RUFY2: variants seen among roughly 807,000 people sequenced by gnomAD.
RUFY2 encodes the protein RUN and FYVE domain-containing protein 2.
In RUFY2, 49 loss-of-function variants were observed where a neutral mutation model predicts 94.4. The observed-to-expected ratio is 0.52, with a 90% confidence interval of 0.41 to 0.66. The LOEUF (loss-of-function observed/expected upper bound fraction) is 0.66. Among genes scored for constraint, RUFY2 ranks in the 30% least tolerant of loss-of-function variants. RUFY2 has a pLI of 0.00. For synonymous variants in RUFY2, 255 were observed against 235.7 expected (o/e 1.08, Z -0.75); for missense variants, 541 against 692.8 (o/e 0.78, Z 2.46).
chr10:68,406,166 GAAC>G (rs201975911), intron 1 of RUFY2, among the ~76,000 whole-genome samples: 3,369 of 150,766 alleles, frequency 0.022, 70 homozygotes, highest in South Asian at 0.074. Context: ...TTCCTTCACT[GAAC>G]AACAACAACA....
downstream of RUFY2, chr10:68,342,109 T>C: frequency 8.3e-7 from 1 of 1,209,086 alleles, no homozygotes; most frequent in East Asian, 2.4e-5. Flanking sequence ...TACTAGACTT[T>C]CTTACAGATT....
chr10:68,405,421 T>C (rs1404656196), intron 1 of RUFY2: 2 of 948,086 alleles, frequency 2.1e-6, no homozygotes, highest in Non-Finnish European at 2.5e-6. Context: ...TCTGCCATTC[T>C]CCTGTATTTA....
intron 13 of RUFY2, among the ~76,000 whole-genome samples, chr10:68,372,957 T>C (rs1027928204): frequency 6.6e-6 from 1 of 151,804 alleles, no homozygotes; most frequent in African/African-American, 2.4e-5. Context: ...ACAAAAAAAC[T>C]TGGAGCTTCA....
Position 68,381,250 on chromosome 10 carries a change from C to A in RUFY2, c.1089G>T (p.Glu363Asp). 1 of 1,611,706 alleles carries A rather than the reference C, an allele frequency of 6.2e-7. No individual in the cohort carries two copies. The highest frequency in any genetic ancestry group is 8.5e-7 in the Non-Finnish European group (1 of 1,179,084). The change falls in exon 11 of 18, where the codon GAG (glutamate) becomes GAT (aspartate). Residue 363 changes from glutamate (E) to aspartate (D), a missense_variant. Coordinates refer to ENST00000602465, the MANE Select transcript of RUFY2 (RefSeq NM_001330103.2). Reference protein sequence around the residue: ...QLEEVKAINIEMYQKLQGSED... With the variant: ...QLEEVKAINIDMYQKLQGSED... ...TCCTTACCTGCAACTTTTGATACAT[C>A]TCTATGTTAATTGCTTTAACTTCCT...
downstream of RUFY2, chr10:68,341,980 CGTG>C: frequency 6.2e-7 from 1 of 1,613,482 alleles, no homozygotes; most frequent in Non-Finnish European, 8.5e-7. Flanking sequence ...TTCTTAAGGC[CGTG>C]GTGGTGGAGG....
At chr10:68,378,664 G>T (rs142776124) in intron 12 of RUFY2, 1 of 1,609,074 alleles carries the variant, frequency 6.2e-7, no homozygotes. Context: ...TTAACAAATC[G>T]TTGTCACTTC....
At chr10:68,381,599 C>T in intron 10 of RUFY2, among the ~76,000 whole-genome samples, 200 bp from the exon 11 acceptor site, 1 of 152,206 alleles carries the variant, frequency 6.6e-6, no homozygotes, top group Non-Finnish European at 1.5e-5. Flanking sequence ...AATCCCAGCA[C>T]TTTGGGAGGC....
chr10:68,359,294 G>A (rs1250979065), intron 15 of RUFY2, among the ~76,000 whole-genome samples: 1 of 146,526 alleles, frequency 6.8e-6, no homozygotes, highest in African/African-American at 2.5e-5. Flanking sequence ...AGGAGATTTT[G>A]TATATATACA....
chr10:68,393,098 G>T, intron 7 of RUFY2, 40 bp downstream of exon 7: 1 of 1,190,400 alleles, frequency 8.4e-7, no homozygotes, highest in Non-Finnish European at 1.2e-6. Flanking sequence ...AAAAACCTAA[G>T]ACAATATTCA....
chr10:68,383,784 T>A lies in RUFY2; in HGVS notation c.939+14A>T. The A allele has an allele frequency of 6.4e-7, 1 of 1,551,716 alleles. No individual in the cohort carries two copies. The highest frequency in any genetic ancestry group is 8.9e-7 in the Non-Finnish European group (1 of 1,124,032). Reference sequence around the variant, plus strand: ...CAGGATGATCTTGCTAATGTAATTTTTAATATAACCTACCTGTCGTAACTG... The same window carrying A: ...CAGGATGATCTTGCTAATGTAATTTATAATATAACCTACCTGTCGTAACTG... On this transcript the variant is annotated intron_variant, in intron 10 of 17. Transcript: ENST00000602465.
At chr10:68,386,167 C>G in intron 7 of RUFY2, 39 bp from the exon 8 acceptor site, 1 of 1,559,986 alleles carries the variant, frequency 6.4e-7, no homozygotes, top group Non-Finnish European at 8.8e-7. Context: ...CAAAATCACA[C>G]GAACTCAAAA....
intron 1 of RUFY2, 101 bp downstream of exon 1, chr10:68,407,085 C>A: frequency 6.7e-7 from 1 of 1,497,002 alleles, no homozygotes; most frequent in Admixed American, 2.3e-5. Flanking sequence ...TTCCGACTGG[C>A]GGCCTCGGCG....
intron 13 of RUFY2, among the ~76,000 whole-genome samples, chr10:68,364,961 T>C (rs971763240): frequency 2.0e-5 from 3 of 152,086 alleles, no homozygotes; most frequent in Non-Finnish European, 4.4e-5. Flanking sequence ...TGATTATTGC[T>C]CATAAGCAGG....
intron 13 of RUFY2, among the ~76,000 whole-genome samples, chr10:68,367,944 A>C (rs903036481): frequency 6.6e-6 from 1 of 151,138 alleles, no homozygotes; most frequent in Non-Finnish European, 1.5e-5. Context: ...CAGTTTTCAC[A>C]ATGTAGAAAT....
At chr10:68,341,555 C>T (rs1456144109), downstream of RUFY2, 6 of 1,415,382 alleles carry the variant, frequency 4.2e-6, no homozygotes, top group Admixed American at 3.7e-5. Flanking sequence ...ATTCCTTTCT[C>T]CCCTGTTACT....
intron 13 of RUFY2, 124 bp downstream of exon 13, chr10:68,376,729 G>A (rs2132691984): frequency 1.0e-6 from 1 of 975,310 alleles, no homozygotes; most frequent in Admixed American, 2.4e-5. Context: ...GTTTTTTAAA[G>A]TAAACACTAA....
intron 7 of RUFY2, among the ~76,000 whole-genome samples, chr10:68,389,724 G>A (rs1220913987): frequency 1.3e-5 from 2 of 152,140 alleles, no homozygotes; most frequent in Non-Finnish European, 2.9e-5. Flanking sequence ...AGCCCAGTAG[G>A]TGGAGGTTGC....
chr10:68,354,283 C>T (rs1433013470), intron 16 of RUFY2, among the ~76,000 whole-genome samples: 2 of 152,008 alleles, frequency 1.3e-5, no homozygotes, highest in Admixed American at 1.3e-4. Flanking sequence ...CTCAAGCAAT[C>T]CTCCCACCTC....
intron 16 of RUFY2, among the ~76,000 whole-genome samples, chr10:68,348,506 ACT>A (rs1201812790): frequency 3.4e-5 from 5 of 148,244 alleles, no homozygotes; most frequent in South Asian, 2.2e-4. Flanking sequence ...AACAGAGGAA[ACT>A]CTGTCTCTGA....
Sources: allele counts gnomAD v4.1 joint callset (sites outside exome capture counted in the v4.1 genomes callset), GRCh38; gene constraint gnomAD v4.1.1; transcripts MANE v1.5; gene names NCBI Gene and HGNC (gene_info 2026-07-23, HGNC 2026-07-21).